Variants in CSNK1D observed in about 807,000 individuals in gnomAD.
CSNK1D encodes casein kinase 1 delta, also known as casein kinase I isoform delta.
A neutral mutation model predicts 46.6 loss-of-function variants in CSNK1D; 16 were observed. The observed-to-expected ratio is 0.34, with a 90% CI of 0.23 to 0.52. The LOEUF is 0.52. CSNK1D is among the 20% of genes least tolerant of loss of function. CSNK1D has a pLI of 0.95. For missense variants in CSNK1D, 398 were observed against 578.4 expected, an observed-to-expected ratio of 0.69 and a Z score of 3.20; for synonymous variants, 276 against 228.2, an observed-to-expected ratio of 1.21 and a Z score of -1.89.
chr17:82,249,638 G>C lies in CSNK1D; in HGVS notation c.886-36C>G. The C allele has an allele frequency of 6.4e-7, 1 of 1,551,606 alleles. No homozygotes were observed. Among genetic ancestry groups the C allele is most frequent in the Non-Finnish European group, 8.7e-7 (1 of 1,153,964 alleles). The stretch of plus-strand genomic sequence containing the variant: ...AGGAGGTGAGGCCGGAATGGAACCA[G>C]CTTTGGCAGAAAGCAACCCTAGGTC... On this transcript the variant is annotated intron_variant, in intron 6 of 8. Coordinates refer to ENST00000314028, the MANE Select transcript of CSNK1D (RefSeq NM_001893.6). This position sits in a 1 kb window ranked among gnomAD's most constrained non-coding sequence, Gnocchi z 6.7.
At chr17:82,259,618 G>A (rs115953743) in intron 2 of CSNK1D, among the ~76,000 whole-genome samples, 1,927 of 152,334 alleles carry the variant, frequency 0.013, 46 homozygotes, top group African/African-American at 0.044. Flanking sequence ...GTGTGCCCCA[G>A]ACACATGGAC....
Position 82,248,103 on chromosome 17 carries a change from G to A in CSNK1D, c.1197+772C>T. 1 of 985,486 alleles carries A rather than the reference G, an allele frequency of 1.0e-6. No homozygotes were observed. The highest frequency in any genetic ancestry group is 4.7e-5 in the South Asian group (1 of 21,298). The allele number at this position is 985,486 out of a possible 1,614,324, so 61.0% of individuals were successfully genotyped here. ...CTGCTCATCCGGAAGACCCGTGGGG[G>A]ATCTGGGCACCCCCCAGGATGCCTG... On this transcript the variant is annotated intron_variant, in intron 8 of 8. Transcript: ENST00000314028. This position sits in a 1 kb window ranked among gnomAD's most constrained non-coding sequence, Gnocchi z 4.1.
intron 8 of CSNK1D, chr17:82,245,704 A>T: frequency 2.1e-6 from 1 of 476,762 alleles, no homozygotes; most frequent in East Asian, 3.9e-5. Flanking sequence ...GCAACGGCAC[A>T]CGGAACGCAG....
intron 2 of CSNK1D, among the ~76,000 whole-genome samples, chr17:82,259,042 G>A (rs1018758908): frequency 1.4e-4 from 22 of 152,212 alleles, no homozygotes; most frequent in Non-Finnish European, 2.9e-4. Context: ...CGATGGGAAC[G>A]TCATTGAATG....
rs1307803586 is a variant in CSNK1D at position 82,249,426 on chromosome 17, C to G, written c.1057+5G>C. 3 of 1,535,814 alleles carry G rather than the reference C, an allele frequency of 2.0e-6. No individual in the cohort carries two copies. The South Asian group carries it at 3.6e-5, about 18-fold the overall frequency. ...GCCCCAGAGCGCTGGGAGGGGGGCACTCACCCGTGTGTGAGGTAGGGGTGA... is the reference window on the plus strand; with the variant it reads ...GCCCCAGAGCGCTGGGAGGGGGGCAGTCACCCGTGTGTGAGGTAGGGGTGA... On this transcript the variant is annotated splice_donor_5th_base_variant and intron_variant, in intron 7 of 8. Coordinates refer to ENST00000314028, the MANE Select transcript of CSNK1D (RefSeq NM_001893.6). The surrounding 1 kb of genome is among the most constrained non-coding windows in gnomAD (Gnocchi z 6.7).
rs533632187 is a variant in CSNK1D, at chr17:82,255,492, G to A, written c.273C>T (p.Asp91=). Reference sequence around the variant, plus strand: ...ATTTCCTGGAGCAGAAGTTGAAGAGGTCCTCCAGGCTTGGCCCCAGCAGCT... The same window carrying A: ...ATTTCCTGGAGCAGAAGTTGAAGAGATCCTCCAGGCTTGGCCCCAGCAGCT... ...VMELLGPSLE[D]LFNFCSRKFS... is the part of the protein sequence containing the mutation. Residue 91 remains aspartate (D), a synonymous_variant, in exon 3 of 9, where the codon GAC becomes GAT. Coordinates refer to ENST00000314028, the MANE Select transcript of CSNK1D (RefSeq NM_001893.6). The surrounding 1 kb of genome is among the most constrained non-coding windows in gnomAD (Gnocchi z 5.9). 2 of 1,614,040 alleles carry A rather than the reference G, an allele frequency of 1.2e-6. No individual in the cohort carries two copies. The highest frequency in any genetic ancestry group is 3.3e-5 in the Admixed American group (2 of 60,002).
chr17:82,240,057 G>C, downstream of CSNK1D: 1 of 1,233,826 alleles, frequency 8.1e-7, no homozygotes, highest in Non-Finnish European at 1.0e-6. Context: ...CCATGTCCCT[G>C]CTCCTCTGCA....
In CSNK1D at chr17:82,273,279, C is replaced by CGGCG. The variant is rs778644515; in HGVS notation, c.76+23_76+26dup. On this transcript the variant is annotated intron_variant, in intron 1 of 8. Coordinates refer to ENST00000314028, the MANE Select transcript of CSNK1D (RefSeq NM_001893.6). The surrounding 1 kb of genome is among the most constrained non-coding windows in gnomAD (Gnocchi z 5.1). ...CAGCCGCAGGGCCCGGGTCTTCGGG[C>CGGCG]GGCGGGCGGGGGCGGCGGGGCCTCA... is the stretch of plus-strand genomic sequence containing the variant. 2 of 1,592,584 alleles carry CGGCG rather than the reference C, an allele frequency of 1.3e-6. No homozygotes were observed. The highest frequency in any genetic ancestry group is 1.7e-5 in the Admixed American group (1 of 58,954).
chr17:82,255,438 A>T lies in CSNK1D; in HGVS notation c.327T>A (p.Ala109=), dbSNP rs1207129220. ...AGGAAACAGTCCTTACCATTTGGTC[A>T]GCAAGCAGCAGGACGGTTTTGAGGC... The part of the protein sequence containing the change: ...KFSLKTVLLL[A]DQMISRIEYI... Residue 109 remains alanine, a synonymous_variant, in exon 3 of 9, where the codon GCT becomes GCA. Transcript: ENST00000314028. This position sits in a 1 kb window ranked among gnomAD's most constrained non-coding sequence, Gnocchi z 5.9. 3 of 1,614,204 alleles carry T rather than the reference A, an allele frequency of 1.9e-6. No homozygotes were observed. The highest frequency in any genetic ancestry group is 4.5e-5 in the East Asian group (2 of 44,876).
At chr17:82,272,827 G>A (rs2051666620) in intron 1 of CSNK1D, among the ~76,000 whole-genome samples, 1 of 152,152 alleles carries the variant, frequency 6.6e-6, no homozygotes, top group Non-Finnish European at 1.5e-5. Context: ...TGTTTACTGC[G>A]GTGACCTTAG....
At chr17:82,261,238 A>G (rs2051332136) in intron 2 of CSNK1D, 1 of 154,094 alleles carries the variant, frequency 6.5e-6, no homozygotes, top group African/African-American at 2.4e-5. Flanking sequence ...AGTGAAGCCA[A>G]TGGGTTTGAA....
chr17:82,270,989 A>G (rs986584867), intron 1 of CSNK1D, among the ~76,000 whole-genome samples: 8 of 152,220 alleles, frequency 5.3e-5, no homozygotes, highest in African/African-American at 1.9e-4. Flanking sequence ...TGACAACCAC[A>G]CCAAAATTTG....
chr17:82,270,439 G>A (rs893283438), intron 1 of CSNK1D, among the ~76,000 whole-genome samples: 1 of 152,196 alleles, frequency 6.6e-6, no homozygotes, highest in Admixed American at 6.5e-5. Context: ...CCCACCTGGA[G>A]GATACCAAAG....
rs753797081 is a variant in CSNK1D, at chr17:82,243,380, C to T, written c.*1401G>A. On this transcript the variant is annotated 3_prime_UTR_variant, in exon 9 of 9. Coordinates refer to ENST00000314028, the MANE Select transcript of CSNK1D (RefSeq NM_001893.6). ...CTGCCCTGCGCATTGGGGTTGGGAG[C>T]ACATGGCCACTGGCTACCGCCCAAG... 176 of 985,582 alleles carry T rather than the reference C, an allele frequency of 1.8e-4. No individual in the cohort carries two copies. Among genetic ancestry groups the T allele is most frequent in the Middle Eastern group, 5.2e-4 (1 of 1,918 alleles). 61.1% of individuals were successfully genotyped at this position (985,582 alleles called of 1,614,324 possible). A position where few individuals can be genotyped will look rare whatever the true frequency, so the allele number is the denominator to read the frequency against.
At chr17:82,264,006 C>T (rs562638143) in intron 2 of CSNK1D, among the ~76,000 whole-genome samples, 27 of 152,238 alleles carry the variant, frequency 1.8e-4, no homozygotes, top group Non-Finnish European at 3.7e-4. Context: ...CTCTCTGTAA[C>T]GGGTTCCCCA....
chr17:82,240,389 CCCCGCTG>C (rs1329145219), downstream of CSNK1D, among the ~76,000 whole-genome samples: 5 of 152,128 alleles, frequency 3.3e-5, no homozygotes, highest in East Asian at 9.6e-4. Flanking sequence ...CATGGCCTTC[CCCCGCTG>C]GCACCCCCAC....
downstream of CSNK1D, chr17:82,240,097 A>G (rs2050721684): frequency 8.1e-7 from 1 of 1,227,506 alleles, no homozygotes; most frequent in South Asian, 4.1e-5. Flanking sequence ...TGCACATCTC[A>G]GGTCCAGCTG....
downstream of CSNK1D, chr17:82,239,115 A>C (rs899183715): frequency 3.7e-6 from 3 of 805,848 alleles, no homozygotes; most frequent in African/African-American, 5.2e-5. Flanking sequence ...TCGCCCGATC[A>C]GTGTTTTGAG....
chr17:82,270,278 C>T (rs1021476334), intron 1 of CSNK1D, among the ~76,000 whole-genome samples: 3 of 152,188 alleles, frequency 2.0e-5, no homozygotes, highest in African/African-American at 7.2e-5. Flanking sequence ...ACAGCAGGGT[C>T]GGGGCAGGCA....
Sources: allele counts gnomAD v4.1 joint callset (sites outside exome capture counted in the v4.1 genomes callset), GRCh38; gene constraint gnomAD v4.1.1; non-coding constraint Gnocchi (gnomAD v3.1); transcripts MANE v1.5; gene names NCBI Gene and HGNC (gene_info 2026-07-23, HGNC 2026-07-21).